ADCY10: variants seen among roughly 807,000 people sequenced by gnomAD.
The protein encoded by ADCY10 is adenylate cyclase 10, also known as adenylate cyclase type 10.
A neutral mutation model predicts 183.3 loss-of-function variants in ADCY10; 156 were observed. That is an observed-to-expected ratio of 0.85 (90% confidence interval 0.75 to 0.97). ADCY10 has a LOEUF of 0.97. ADCY10 is among the 50% of genes least tolerant of loss of function. The pLI, the probability that ADCY10 is intolerant of heterozygous loss-of-function variation, is 0.00. For synonymous variants in ADCY10, 645 were observed against 670.0 expected, an observed-to-expected ratio of 0.96 and a Z score of 0.58; for missense variants, 1,745 against 1,934.3, an observed-to-expected ratio of 0.90 and a Z score of 1.84.
chr1:167,856,544 T>C (rs2102025641), intron 16 of ADCY10, 105 bp from the exon 17 acceptor site: 1 of 1,133,190 alleles, frequency 8.8e-7, no homozygotes, highest in Non-Finnish European at 1.3e-6. Flanking sequence ...GGTTTGCTTA[T>C]GATGCAGCGA....
intron 14 of ADCY10, among the ~76,000 whole-genome samples, chr1:167,864,828 C>T (rs549166951): frequency 6.6e-6 from 1 of 151,044 alleles, no homozygotes; most frequent in East Asian, 2.0e-4. Context: ...ATCAAAAATC[C>T]TTAACCCAGT....
intron 8 of ADCY10, among the ~76,000 whole-genome samples, chr1:167,888,764 T>A (rs1454510735): frequency 6.7e-6 from 1 of 149,514 alleles, no homozygotes; most frequent in African/African-American, 2.5e-5. Context: ...TGGTCCCAGC[T>A]ACTCAGGAGG....
intron 28 of ADCY10, among the ~76,000 whole-genome samples, chr1:167,823,681 T>G (rs1663074112): frequency 6.6e-6 from 1 of 152,210 alleles, no homozygotes; most frequent in African/African-American, 2.4e-5. Context: ...TGGTCTAGTC[T>G]TGGTCCTTCT....
chr1:167,826,973 A>G (rs535692969), intron 26 of ADCY10, among the ~76,000 whole-genome samples: 5 of 152,270 alleles, frequency 3.3e-5, no homozygotes, highest in Non-Finnish European at 7.4e-5. Context: ...GCAGGGGTCA[A>G]TCTTGATGGG....
chr1:167,860,915 C>T lies in ADCY10; in HGVS notation c.1765G>A (p.Asp589Asn). 1 of 1,614,078 alleles carries T rather than the reference C, an allele frequency of 6.2e-7. No homozygotes were observed. Among genetic ancestry groups the T allele is most frequent in the Non-Finnish European group, 8.5e-7 (1 of 1,180,002 alleles). The change falls in exon 15 of 33, where the codon GAT (aspartate) becomes AAT (asparagine). Residue 589 changes from aspartate to asparagine, a missense_variant. Transcript: ENST00000367851. ...NLRNKVMTLL[D>N]EKFYCLLNDI... ...TTAAGAAGACAGTAGAACTTTTCATCCAACAGTGTCATGACTTTATTTCGA... is the reference window on the plus strand; with the variant it reads ...TTAAGAAGACAGTAGAACTTTTCATTCAACAGTGTCATGACTTTATTTCGA...
intron 30 of ADCY10, among the ~76,000 whole-genome samples, chr1:167,819,473 A>G (rs1015246921): frequency 2.6e-5 from 4 of 152,102 alleles, no homozygotes; most frequent in African/African-American, 7.2e-5. Flanking sequence ...TCCTGACCTC[A>G]GGTGATCCAC....
intron 12 of ADCY10, among the ~76,000 whole-genome samples, chr1:167,875,793 A>G (rs1447547573): frequency 1.3e-5 from 2 of 152,112 alleles, no homozygotes; most frequent in African/African-American, 4.8e-5. Flanking sequence ...TACCAAAAAT[A>G]CAAAAAGAAA....
In ADCY10 at chr1:167,822,105, A is replaced by G. The variant is rs769788816; in HGVS notation, c.4205T>C (p.Phe1402Ser). Reference protein sequence around the residue: ...VYRTFEECLEFIHQYENNRIL... With the variant: ...VYRTFEECLESIHQYENNRIL... The stretch of plus-strand genomic sequence containing the variant: ...TCTGTTGTTTTCGTATTGGTGTATG[A>G]ATTCCAAACATTCTTCAAATGTTCT... The change falls in exon 30 of 33, where the codon TTC becomes TCC. Residue 1402 changes from phenylalanine (F) to serine (S), a missense_variant. Physicochemically the swap from Phe to Ser is radical, Grantham distance 155. Transcript: ENST00000367851. 2 of 1,608,652 alleles carry G rather than the reference A, an allele frequency of 1.2e-6. No individual in the cohort carries two copies. The highest frequency in any genetic ancestry group is 8.5e-7 in the Non-Finnish European group (1 of 1,174,962).
At position 167,837,262 on chromosome 1, in the gene ADCY10, G is replaced by GA. The variant is rs764365704; in HGVS notation, c.3063dup (p.Pro1022SerfsTer2). On this transcript the variant is annotated frameshift_variant, in exon 22 of 33. Coordinates refer to ENST00000367851, the MANE Select transcript of ADCY10 (RefSeq NM_018417.6). LOFTEE classifies it high-confidence loss of function. ...ATATGCCTCTACCTGCGATTTTCAG[G>GA]AAAAAATGCAGATGTCTCAGGAATC... 4 of 1,613,718 alleles carry GA rather than the reference G, an allele frequency of 2.5e-6. No individual in the cohort carries two copies. In the African/African-American group the frequency reaches 4.0e-5, roughly 16 times the overall value.
chr1:167,833,142 C>T lies in ADCY10; in HGVS notation c.3438G>A (p.Gln1146=), dbSNP rs1490512674. The T allele has an allele frequency of 1.2e-6, 2 of 1,614,074 alleles. No individual in the cohort carries two copies. Among genetic ancestry groups the T allele is most frequent in the Admixed American group, 3.3e-5 (2 of 60,000 alleles). Residue 1146 remains glutamine, a synonymous_variant, in exon 25 of 33, where the codon CAG becomes CAA. Transcript: ENST00000367851. The part of the protein sequence containing the change: ...LKGEVCFNMG[Q]IVLAKKMLRK... ...TCAGCATTTTCTTGGCAAGCACTAT[C>T]TGGCCCATATTGAAACAGACCTACA... is the stretch of plus-strand genomic sequence containing the variant.
intron 30 of ADCY10, among the ~76,000 whole-genome samples, chr1:167,819,231 C>T (rs1474331621): frequency 3.4e-5 from 5 of 148,176 alleles, no homozygotes; most frequent in Non-Finnish European, 6.0e-5. Context: ...TGAATATTTT[C>T]TGTGTAGAAA....
At chr1:167,813,138 A>G (rs1662322413) in intron 31 of ADCY10, among the ~76,000 whole-genome samples, 1 of 152,228 alleles carries the variant, frequency 6.6e-6, no homozygotes, top group Non-Finnish European at 1.5e-5. Context: ...AGACATGAAT[A>G]TAAACATCCA....
intron 25 of ADCY10, among the ~76,000 whole-genome samples, chr1:167,829,775 T>TC (rs1663579502): frequency 6.6e-6 from 1 of 152,230 alleles, no homozygotes; most frequent in Non-Finnish European, 1.5e-5. Context: ...AATAACTGAC[T>TC]CCATTTTACA....
At chr1:167,812,817 TA>T (rs1205512637) in intron 31 of ADCY10, among the ~76,000 whole-genome samples, 1 of 151,960 alleles carries the variant, frequency 6.6e-6, no homozygotes, top group East Asian at 1.9e-4. Context: ...ACAGAAAACC[TA>T]AAAATATACC....
chr1:167,875,302 AT>A (rs1667374053), intron 12 of ADCY10, 116 bp from the exon 13 acceptor site: 1 of 1,050,850 alleles, frequency 9.5e-7, no homozygotes, highest in South Asian at 1.3e-5. Context: ...ACAAGAGTCT[AT>A]CCCCTGACTC....
Position 167,905,203 on chromosome 1 carries a change from A to G in ADCY10, c.-58-5T>C. ...AGCAGTCTCCAAATAGGTCTTCTAAAAAGAAAATTGAAATAGAGGAAATCT... is the reference window on the plus strand; with the variant it reads ...AGCAGTCTCCAAATAGGTCTTCTAAGAAGAAAATTGAAATAGAGGAAATCT... On this transcript the variant is annotated splice_polypyrimidine_tract_variant and splice_region_variant and intron_variant, in intron 1 of 32. Coordinates refer to ENST00000367851, the MANE Select transcript of ADCY10 (RefSeq NM_018417.6). The G allele has an allele frequency of 1.9e-6, 3 of 1,571,142 alleles. No individual in the cohort carries two copies. Among genetic ancestry groups the G allele is most frequent in the Non-Finnish European group, 2.6e-6 (3 of 1,141,446 alleles).
intron 14 of ADCY10, among the ~76,000 whole-genome samples, chr1:167,865,720 A>G (rs1274256052): frequency 6.6e-6 from 1 of 152,266 alleles, no homozygotes; most frequent in Non-Finnish European, 1.5e-5. Context: ...TTAAGACAGC[A>G]TACCAAGATG....
intron 21 of ADCY10, among the ~76,000 whole-genome samples, chr1:167,845,246 C>A (rs947414996): frequency 7.2e-5 from 11 of 152,116 alleles, no homozygotes; most frequent in African/African-American, 2.4e-4. Context: ...GATTGTACCC[C>A]CCTTTGGATT....
chr1:167,867,234 G>T (rs1332487325), intron 14 of ADCY10, among the ~76,000 whole-genome samples: 1 of 152,206 alleles, frequency 6.6e-6, no homozygotes, highest in East Asian at 1.9e-4. Flanking sequence ...GGAGCTGTAC[G>T]TGGATGGGAG....
Sources: allele counts gnomAD v4.1 joint callset (sites outside exome capture counted in the v4.1 genomes callset), GRCh38; gene constraint gnomAD v4.1.1; transcripts MANE v1.5; gene names NCBI Gene and HGNC (gene_info 2026-07-23, HGNC 2026-07-21).